Variants in CDH20 observed in about 807,000 individuals in gnomAD.
The protein encoded by CDH20 is cadherin 20.
In CDH20, 29 loss-of-function variants were observed where a neutral mutation model predicts 74.2. That is an observed-to-expected ratio of 0.39 (90% CI 0.29 to 0.53). The LOEUF is 0.53. Ranked by LOEUF, CDH20 falls within the 20% of genes least tolerant of loss-of-function variation. CDH20 has a pLI of 0.69. For missense variants in CDH20, 988 were observed against 1,048.3 expected (o/e 0.94, Z 0.79); for synonymous variants, 469 against 405.4 (o/e 1.16, Z -1.88).
intron 1 of CDH20, among the ~76,000 whole-genome samples, chr18:61,470,647 T>C (rs1192373411): frequency 1.3e-5 from 2 of 151,224 alleles, no homozygotes; most frequent in Non-Finnish European, 2.9e-5. Flanking sequence ...TGACACCAGA[T>C]AGAGAAAGGA....
Position 61,554,716 on chromosome 18 carries a change from C to T in CDH20, c.*21C>T, listed in dbSNP as rs544737485. On this transcript the variant is annotated 3_prime_UTR_variant, in exon 12 of 12. Transcript: ENST00000262717. ...GGTGACGGAAGCCAGGAGGCAGGCG[C>T]GCGTCCAAATCCAGACGTTCTCCGC... is the stretch of plus-strand genomic sequence containing the variant. The T allele has an allele frequency of 4.6e-6, 7 of 1,527,516 alleles. No individual in the cohort carries two copies. The highest frequency in any genetic ancestry group is 2.7e-5 in the African/African-American group (2 of 73,556). The allele number at this position is 1,527,516 out of a possible 1,614,324, so 94.6% of individuals were successfully genotyped here. A position where few individuals can be genotyped will look rare whatever the true frequency, so the allele number is the denominator to read the frequency against.
intron 1 of CDH20, among the ~76,000 whole-genome samples, chr18:61,445,374 C>A (rs1477651060): frequency 7.9e-5 from 12 of 151,980 alleles, no homozygotes; most frequent in Non-Finnish European, 1.5e-4. Flanking sequence ...AGCAATGGAA[C>A]CAGAAAGAAA....
chr18:61,387,549 G>A (rs1449443246), intron 1 of CDH20, among the ~76,000 whole-genome samples: 1 of 152,152 alleles, frequency 6.6e-6, no homozygotes, highest in Non-Finnish European at 1.5e-5. Context: ...ATTAAAGTCG[G>A]CTAAATTTTG....
chr18:61,547,159 T>A (rs1270642912), intron 10 of CDH20, among the ~76,000 whole-genome samples: 1 of 152,012 alleles, frequency 6.6e-6, no homozygotes, highest in East Asian at 1.9e-4. Context: ...CAAGACCCCA[T>A]CCCTAACAAT....
intron 1 of CDH20, among the ~76,000 whole-genome samples, chr18:61,371,260 G>T (rs528862938): frequency 3.3e-5 from 5 of 152,000 alleles, no homozygotes; most frequent in Admixed American, 3.3e-4. Flanking sequence ...AGAGCAGCAG[G>T]GTAATATTTT....
At position 61,538,614 on chromosome 18, in the gene CDH20, G is replaced by GTTTTTTTT. The variant is rs541920246; in HGVS notation, c.1409-405_1409-404insTTTTTTTT. On this transcript the variant is annotated intron_variant, in intron 8 of 11. Transcript: ENST00000262717. ...TTTGTTTGTTTTTGTTTTTGTTTTT[G>GTTTTTTTT]TTTTTGTTTTGTTTTTTTTTTTGAG... 1.0e-4 allele frequency among the ~76,000 whole-genome samples: 6 copies of GTTTTTTTT among 57,572 alleles called. 1 individual carries two copies. The highest frequency in any genetic ancestry group is 2.9e-4 in the Admixed American group (1 of 3,486). 37.8% of individuals were successfully genotyped at this position (57,572 alleles called of 152,430 possible).
chr18:61,447,072 C>T (rs1237297746), intron 1 of CDH20, among the ~76,000 whole-genome samples: 1 of 152,170 alleles, frequency 6.6e-6, no homozygotes, highest in Non-Finnish European at 1.5e-5. Context: ...CAAAGTAGTT[C>T]TATATTTTTC....
chr18:61,340,098 A>G (rs987260270), intron 1 of CDH20, among the ~76,000 whole-genome samples: 35 of 152,036 alleles, frequency 2.3e-4, no homozygotes, highest in Non-Finnish European at 2.1e-4. Context: ...CTTAACTCTT[A>G]ATACACTCCT....
In CDH20 at chr18:61,361,862, T is replaced by C. The variant is rs188908361; in HGVS notation, c.-153+28035T>C. On this transcript the variant is annotated intron_variant, in intron 1 of 11. Transcript: ENST00000262717. ...TTCCATAAGAACCAATGATACAAGA[T>C]GCCCTCATCTAAGATGATCTCTGGC... Among the ~76,000 whole-genome samples the C allele has an allele frequency of 1.7e-3, 257 of 152,328 alleles. 2 individuals are homozygous for C. The highest frequency in any genetic ancestry group is 5.7e-3 in the African/African-American group (238 of 41,576).
chr18:61,360,369 A>G (rs1910648615), intron 1 of CDH20, among the ~76,000 whole-genome samples: 1 of 152,238 alleles, frequency 6.6e-6, no homozygotes, highest in Non-Finnish European at 1.5e-5. Flanking sequence ...AAATGCATTA[A>G]TGAACAAATG....
rs189002336 is a variant in CDH20 at position 61,398,358 on chromosome 18, T to C, written c.-153+64531T>C. 1.5e-4 allele frequency among the ~76,000 whole-genome samples: 23 copies of C among 152,350 alleles called. No individual in the cohort carries two copies. In the East Asian group the frequency reaches 4.0e-3, roughly 27 times the overall value. On this transcript the variant is annotated intron_variant, in intron 1 of 11. Coordinates refer to ENST00000262717, the MANE Select transcript of CDH20 (RefSeq NM_031891.4). ...CAGAACCTGAAAAGAGTAGTATCAATTTAATTATGGTCTTCTTAATTTATA... is the reference window on the plus strand; with the variant it reads ...CAGAACCTGAAAAGAGTAGTATCAACTTAATTATGGTCTTCTTAATTTATA...
intron 6 of CDH20, among the ~76,000 whole-genome samples, chr18:61,516,355 C>T (rs964582907): frequency 6.6e-6 from 1 of 152,128 alleles, no homozygotes; most frequent in Admixed American, 6.5e-5. Flanking sequence ...TAAGTCATAG[C>T]TTTTGCCCTT....
intron 5 of CDH20, among the ~76,000 whole-genome samples, chr18:61,506,865 C>A (rs565457894): frequency 6.6e-6 from 1 of 152,194 alleles, no homozygotes; most frequent in Admixed American, 6.5e-5. Flanking sequence ...CGGCTGCCCC[C>A]CCTTTATAGA....
chr18:61,355,154 C>T (rs72990002), intron 1 of CDH20, among the ~76,000 whole-genome samples: 1 of 152,228 alleles, frequency 6.6e-6, no homozygotes. Context: ...TATTTCAGAT[C>T]ATACTGCTGT....
At chr18:61,439,560 T>C (rs762763762) in intron 1 of CDH20, among the ~76,000 whole-genome samples, 1 of 152,194 alleles carries the variant, frequency 6.6e-6, no homozygotes, top group Non-Finnish European at 1.5e-5. Context: ...CCTACATTTC[T>C]ATAATAATAT....
intron 8 of CDH20, among the ~76,000 whole-genome samples, chr18:61,538,601 T>C (rs1226456111): frequency 5.6e-5 from 2 of 35,948 alleles, no homozygotes; most frequent in African/African-American, 1.4e-4. Context: ...TGTTTGTTTT[T>C]GTTTTTGTTT....
intron 6 of CDH20, among the ~76,000 whole-genome samples, chr18:61,511,290 A>G (rs1448615425): frequency 6.6e-6 from 1 of 151,462 alleles, no homozygotes; most frequent in Non-Finnish European, 1.5e-5. Flanking sequence ...CTTGAGCCCA[A>G]GAGGTCAAGG....
At chr18:61,410,485 C>A (rs977864093) in intron 1 of CDH20, among the ~76,000 whole-genome samples, 2 of 152,150 alleles carry the variant, frequency 1.3e-5, no homozygotes, top group African/African-American at 4.8e-5. Context: ...CCCAGAACCC[C>A]AAATCAATTT....
chr18:61,541,279 T>C (rs1029619220), intron 9 of CDH20, among the ~76,000 whole-genome samples: 4 of 151,382 alleles, frequency 2.6e-5, no homozygotes, highest in Middle Eastern at 6.9e-3. Context: ...TTTTGTTTTA[T>C]ATTATAAAAT....
Sources: allele counts gnomAD v4.1 joint callset (sites outside exome capture counted in the v4.1 genomes callset), GRCh38; gene constraint gnomAD v4.1.1; transcripts MANE v1.5; gene names NCBI Gene and HGNC (gene_info 2026-07-23, HGNC 2026-07-21).